The following STK38L variants were observed in gnomAD, a reference collection of about 807,000 sequenced individuals.
STK38L encodes serine/threonine kinase 38 like.
In STK38L, 28 loss-of-function variants were observed where a neutral mutation model predicts 59.7. The observed-to-expected ratio is 0.47, with a 90% CI of 0.35 to 0.64. The LOEUF (loss-of-function observed/expected upper bound fraction) is 0.64. Among genes scored for constraint, STK38L ranks in the 30% least tolerant of loss-of-function variants. The probability of loss-of-function intolerance (pLI) is 0.01; values close to 1 mark genes in which losing one functional copy is unlikely to be tolerated. For synonymous variants in STK38L, 162 were observed against 176.8 expected, an observed-to-expected ratio of 0.92 and a Z score of 0.66; for missense variants, 314 against 555.8, an observed-to-expected ratio of 0.56 and a Z score of 4.37.
intron 1 of STK38L, among the ~76,000 whole-genome samples, chr12:27,249,499 G>A (rs573244441): frequency 6.6e-6 from 1 of 152,132 alleles, no homozygotes; most frequent in African/African-American, 2.4e-5. Flanking sequence ...CACCATGCCT[G>A]GCTAAGTTTT....
intron 7 of STK38L, 101 bp downstream of exon 7, chr12:27,314,759 G>T: frequency 7.7e-7 from 1 of 1,307,132 alleles, no homozygotes; most frequent in Non-Finnish European, 1.0e-6. Context: ...TTAGAATATT[G>T]CTAAACAACA....
intron 10 of STK38L, 144 bp downstream of exon 10, chr12:27,317,597 G>A (rs768517742): frequency 6.0e-5 from 45 of 756,082 alleles, no homozygotes; most frequent in Non-Finnish European, 6.4e-6. Flanking sequence ...AATACATACT[G>A]ATCAATACCA....
At chr12:27,303,600 A>C (rs1365184922) in intron 3 of STK38L, among the ~76,000 whole-genome samples, 2 of 152,146 alleles carry the variant, frequency 1.3e-5, no homozygotes, top group African/African-American at 2.4e-5. Context: ...AAGGAGTTTT[A>C]GATTAGGAGA....
chr12:27,277,935 T>G (rs1027452659), intron 1 of STK38L, among the ~76,000 whole-genome samples: 2 of 152,218 alleles, frequency 1.3e-5, no homozygotes, highest in Non-Finnish European at 2.9e-5. Context: ...CTAGTAAATT[T>G]CCGTGATGTC....
intron 1 of STK38L, among the ~76,000 whole-genome samples, chr12:27,247,802 C>G (rs1266712727): frequency 6.9e-6 from 1 of 144,830 alleles, no homozygotes; most frequent in Non-Finnish European, 1.5e-5. Context: ...CTGTGTTTGG[C>G]TTTGTTCTGT....
chr12:27,322,008 A>T (rs1177424222), intron 12 of STK38L, 135 bp from the exon 13 acceptor site: 2 of 696,782 alleles, frequency 2.9e-6, no homozygotes, highest in Admixed American at 6.5e-5. Context: ...CCTTTAACTA[A>T]TCTCAAATCC....
intron 1 of STK38L, among the ~76,000 whole-genome samples, chr12:27,262,459 A>C (rs1177974354): frequency 6.6e-6 from 1 of 152,222 alleles, no homozygotes; most frequent in Non-Finnish European, 1.5e-5. Context: ...TAACGTTAAA[A>C]ATCGTAAAAC....
chr12:27,294,784 C>T (rs1199919290), intron 1 of STK38L, among the ~76,000 whole-genome samples: 3 of 150,978 alleles, frequency 2.0e-5, no homozygotes, highest in Admixed American at 1.3e-4. Flanking sequence ...TCAATCGCAG[C>T]TCATTGTAAC....
chr12:27,271,442 T>C (rs1565530336), intron 1 of STK38L, among the ~76,000 whole-genome samples: 2 of 152,242 alleles, frequency 1.3e-5, no homozygotes, highest in African/African-American at 2.4e-5. Context: ...TGAATAGTTT[T>C]GGTTCCTCAT....
chr12:27,303,644 T>A (rs898212478), intron 3 of STK38L, among the ~76,000 whole-genome samples: 1 of 152,204 alleles, frequency 6.6e-6, no homozygotes, highest in African/African-American at 2.4e-5. Flanking sequence ...TGTAAAAATA[T>A]GTACGCATGA....
intron 1 of STK38L, among the ~76,000 whole-genome samples, chr12:27,254,114 C>T (rs757836133): frequency 2.0e-5 from 3 of 152,144 alleles, no homozygotes; most frequent in Non-Finnish European, 2.9e-5. Context: ...CTAGAACCAC[C>T]GAGGTTGTTG....
intron 1 of STK38L, among the ~76,000 whole-genome samples, chr12:27,260,390 G>A (rs2035124): frequency 0.61 from 92,119 of 152,022 alleles, 28,375 homozygotes; most frequent in Non-Finnish European, 0.64. Flanking sequence ...GTGAAAGTAG[G>A]TATTTAATAC....
In STK38L at chr12:27,308,395, A is replaced by G; in HGVS notation, c.243A>G (p.Lys81=). ...AAGAAACAGAGTTCTTACGGCTCAA[A>G]AGGACCAGACTTGGCTTGGATGACT... ...ARKETEFLRL[K]RTRLGLDDFE... Residue 81 remains lysine, a synonymous_variant, in exon 4 of 14, where the codon AAA becomes AAG. Coordinates refer to ENST00000389032, the MANE Select transcript of STK38L (RefSeq NM_015000.4). This position sits in a 1 kb window ranked among gnomAD's most constrained non-coding sequence, Gnocchi z 4.5. 6.2e-7 allele frequency: 1 copy of G among 1,600,464 alleles called. No individual in the cohort carries two copies. Among genetic ancestry groups the G allele is most frequent in the Admixed American group, 1.7e-5 (1 of 58,792 alleles).
rs373074466 is a variant in STK38L, at chr12:27,308,857, A to AT, written c.310-257_310-256insT. Reference sequence around the variant, plus strand: ...ATATGTGTTTGTATGTATATATAAAAAAATATATATAAATATAAATATATA... The same window carrying AT: ...ATATGTGTTTGTATGTATATATAAAATAAATATATATAAATATAAATATATA... On this transcript the variant is annotated intron_variant, in intron 4 of 13. Coordinates refer to ENST00000389032, the MANE Select transcript of STK38L (RefSeq NM_015000.4). This position sits in a 1 kb window ranked among gnomAD's most constrained non-coding sequence, Gnocchi z 4.5. 0.087 allele frequency among the ~76,000 whole-genome samples: 12,718 copies of AT among 145,652 alleles called. 573 individuals carry two copies. Among genetic ancestry groups the AT allele is most frequent in the South Asian group, 0.12 (543 of 4,712 alleles).
At chr12:27,278,304 T>C (rs1386970203) in intron 1 of STK38L, among the ~76,000 whole-genome samples, 1 of 152,246 alleles carries the variant, frequency 6.6e-6, no homozygotes, top group East Asian at 1.9e-4. Flanking sequence ...AAGCTAGAGC[T>C]GAACTATTTG....
chr12:27,292,380 T>C (rs1373413430), intron 1 of STK38L, among the ~76,000 whole-genome samples: 1 of 144,422 alleles, frequency 6.9e-6, no homozygotes, highest in East Asian at 2.0e-4. Context: ...GCTAATCTTG[T>C]TTTTAAAGCT....
intron 1 of STK38L, among the ~76,000 whole-genome samples, chr12:27,271,769 G>A (rs967387343): frequency 2.0e-5 from 3 of 152,118 alleles, no homozygotes; most frequent in South Asian, 2.1e-4. Flanking sequence ...GCACGATCTC[G>A]TCTCACTGCA....
intron 1 of STK38L, among the ~76,000 whole-genome samples, chr12:27,291,226 A>G (rs573453151): frequency 9.2e-5 from 14 of 152,318 alleles, no homozygotes; most frequent in African/African-American, 3.1e-4. Context: ...TAACATGACA[A>G]AAAAGTTCCT....
chr12:27,276,916 G>A (rs1943549204), intron 1 of STK38L, among the ~76,000 whole-genome samples: 1 of 152,090 alleles, frequency 6.6e-6, no homozygotes, highest in African/African-American at 2.4e-5. Flanking sequence ...CTCTCTCCCA[G>A]AAATGACCAT....
Sources: gnomAD v4.1 joint callset for allele counts (sites outside exome capture counted in the v4.1 genomes callset) on GRCh38, gnomAD v4.1.1 for gene constraint, Gnocchi (gnomAD v3.1) non-coding constraint, MANE v1.5 for transcripts, NCBI Gene and HGNC (gene_info 2026-07-23, HGNC 2026-07-21) for gene names.